Variants in RPTOR observed in about 807,000 individuals in gnomAD.
RPTOR encodes regulatory associated protein of MTOR complex 1.
RPTOR carries 21 observed loss-of-function variants against 169.9 expected under a neutral mutation model. The ratio of observed to expected loss-of-function variants is 0.12; its 90% CI spans 0.09 to 0.18. The LOEUF is 0.18. Among genes scored for constraint, RPTOR ranks in the 10% least tolerant of loss-of-function variants. RPTOR has a pLI of 1.00. For synonymous variants in RPTOR, 732 were observed against 753.2 expected, an observed-to-expected ratio of 0.97 and a Z score of 0.46; for missense variants, 1,133 against 1,855.9, an observed-to-expected ratio of 0.61 and a Z score of 7.16.
chr17:80,687,243 G>A (rs2065955484), intron 3 of RPTOR, among the ~76,000 whole-genome samples: 1 of 152,164 alleles, frequency 6.6e-6, no homozygotes, highest in Non-Finnish European at 1.5e-5. Flanking sequence ...GTTCACGTTT[G>A]CTCTTCGTTA....
At chr17:80,756,267 A>G (rs759444337) in intron 6 of RPTOR, among the ~76,000 whole-genome samples, 4 of 152,224 alleles carry the variant, frequency 2.6e-5, no homozygotes, top group Non-Finnish European at 5.9e-5. Flanking sequence ...ATGGGATGGC[A>G]CAGCAAGAAG....
At chr17:80,900,988 C>T (rs2068469431) in intron 20 of RPTOR, among the ~76,000 whole-genome samples, 1 of 152,204 alleles carries the variant, frequency 6.6e-6, no homozygotes, top group African/African-American at 2.4e-5. Context: ...CTGGCGAAGG[C>T]TACAGAAAGT....
intron 13 of RPTOR, among the ~76,000 whole-genome samples, chr17:80,874,614 G>A (rs1273460165): frequency 1.3e-5 from 2 of 152,164 alleles, no homozygotes; most frequent in Non-Finnish European, 1.5e-5. Context: ...ACTGCTCGGT[G>A]GATGTTCTGC....
At chr17:80,741,679 C>T (rs955198926) in intron 5 of RPTOR, among the ~76,000 whole-genome samples, 4 of 152,158 alleles carry the variant, frequency 2.6e-5, no homozygotes, top group African/African-American at 4.8e-5. Flanking sequence ...TACAGCAGCA[C>T]GCAAGTGGAC....
chr17:80,813,188 G>A (rs2067290408), intron 7 of RPTOR, among the ~76,000 whole-genome samples: 1 of 152,206 alleles, frequency 6.6e-6, no homozygotes, highest in Non-Finnish European at 1.5e-5. Flanking sequence ...ATAATATTGG[G>A]CACTGTGTAG....
At chr17:80,937,093 TC>T (rs2068964123) in intron 24 of RPTOR, among the ~76,000 whole-genome samples, 1 of 152,098 alleles carries the variant, frequency 6.6e-6, no homozygotes, top group African/African-American at 2.4e-5. Context: ...ATAAAAAGCG[TC>T]AAGGGGAAAA....
At chr17:80,608,848 G>T (rs1045482673) in intron 1 of RPTOR, among the ~76,000 whole-genome samples, 1 of 152,198 alleles carries the variant, frequency 6.6e-6, no homozygotes, top group Non-Finnish European at 1.5e-5. Context: ...GTGCTTCTGC[G>T]CGTGGTTCAG....
At chr17:80,681,280 T>C (rs1304786670) in intron 3 of RPTOR, among the ~76,000 whole-genome samples, 1 of 152,204 alleles carries the variant, frequency 6.6e-6, no homozygotes, top group Non-Finnish European at 1.5e-5. Flanking sequence ...TAGAGTCACC[T>C]GAAACTAAAT....
chr17:80,565,059 A>G (rs994852478), intron 1 of RPTOR, among the ~76,000 whole-genome samples: 1 of 152,136 alleles, frequency 6.6e-6, no homozygotes, highest in African/African-American at 2.4e-5. Context: ...TGTCTTTGCT[A>G]TTGTGAGTAG....
rs1288359114 is a variant in RPTOR at position 80,855,157 on chromosome 17, G to T, written c.1315-307G>T. 2.6e-5 allele frequency among the ~76,000 whole-genome samples: 4 copies of T among 152,216 alleles called. No individual in the cohort carries two copies. The East Asian group carries it at 7.7e-4, about 29-fold the overall frequency. ...GAGAAGTGTGGACATAAAGAACAATGTCTGAGTTCATATACCTAAATGTCA... is the reference window on the plus strand; with the variant it reads ...GAGAAGTGTGGACATAAAGAACAATTTCTGAGTTCATATACCTAAATGTCA... On this transcript the variant is annotated intron_variant, in intron 11 of 33. Coordinates refer to ENST00000306801, the MANE Select transcript of RPTOR (RefSeq NM_020761.3).
At chr17:80,962,666 A>G in intron 32 of RPTOR, 89 bp downstream of exon 32, 1 of 1,257,364 alleles carries the variant, frequency 8.0e-7, no homozygotes, top group Non-Finnish European at 1.1e-6. Flanking sequence ...TGCCCCCAGG[A>G]GCTGAAGGAG....
intron 6 of RPTOR, among the ~76,000 whole-genome samples, chr17:80,788,814 C>T (rs943351603): frequency 1.3e-5 from 2 of 152,184 alleles, no homozygotes; most frequent in Non-Finnish European, 2.9e-5. Context: ...TTATATTCAG[C>T]TTTGTGGGTT....
intron 1 of RPTOR, among the ~76,000 whole-genome samples, chr17:80,575,934 T>C (rs4396581): frequency 0.45 from 68,226 of 151,996 alleles, 15,583 homozygotes; most frequent in Middle Eastern, 0.52. Flanking sequence ...TGTATCTTCC[T>C]GGTAAATTGG....
At chr17:80,962,630 G>A (rs1054445287) in intron 32 of RPTOR, 53 bp downstream of exon 32, 15 of 1,489,918 alleles carry the variant, frequency 1.0e-5, no homozygotes, top group Non-Finnish European at 1.4e-5. Flanking sequence ...TCGGGCCTCT[G>A]TGCAAACGGG....
At chr17:80,566,677 A>C (rs931090464) in intron 1 of RPTOR, among the ~76,000 whole-genome samples, 2 of 151,742 alleles carry the variant, frequency 1.3e-5, no homozygotes, top group East Asian at 3.9e-4. Flanking sequence ...AAAAAAAATT[A>C]GCCCAGTGAG....
intron 20 of RPTOR, among the ~76,000 whole-genome samples, chr17:80,905,215 T>C (rs573458724): frequency 6.6e-6 from 1 of 152,250 alleles, no homozygotes; most frequent in South Asian, 2.1e-4. Context: ...TTGTTTTGTT[T>C]TCAAATATTT....
chr17:80,826,896 T>C (rs1187046092), intron 9 of RPTOR, among the ~76,000 whole-genome samples: 1 of 152,194 alleles, frequency 6.6e-6, no homozygotes, highest in Non-Finnish European at 1.5e-5. Context: ...GAAGAAACAT[T>C]ATGCGCTTGA....
intron 3 of RPTOR, among the ~76,000 whole-genome samples, chr17:80,697,477 A>T (rs1303809562): frequency 2.6e-5 from 4 of 152,164 alleles, no homozygotes; most frequent in African/African-American, 7.2e-5. Context: ...TAGGCATTTG[A>T]CTACCTCCCA....
chr17:80,545,087 T>A lies in RPTOR; in HGVS notation c.-543T>A. On this transcript the variant is annotated 5_prime_UTR_variant, in exon 1 of 34. Coordinates refer to ENST00000306801, the MANE Select transcript of RPTOR (RefSeq NM_020761.3). ...GCAGGCGAGCACGATGGGCCGGTCG[T>A]GGCTCTGGTTGCAGCAGCTCAGACG... 4.3e-6 allele frequency: 1 copy of A among 233,746 alleles called. No individual in the cohort carries two copies. The highest frequency in any genetic ancestry group is 8.5e-6 in the Non-Finnish European group (1 of 118,126). The allele number at this position is 233,746 out of a possible 1,614,324, so 14.5% of individuals were successfully genotyped here.
Sources: gnomAD v4.1 joint callset for allele counts (sites outside exome capture counted in the v4.1 genomes callset) on GRCh38, gnomAD v4.1.1 for gene constraint, MANE v1.5 for transcripts, NCBI Gene and HGNC (gene_info 2026-07-23, HGNC 2026-07-21) for gene names.